The following TENM3 variants were observed in gnomAD, a reference collection of about 807,000 sequenced individuals.
TENM3 encodes teneurin transmembrane protein 3, also known as teneurin-3.
Under a neutral mutation model 255.1 loss-of-function variants are expected in TENM3, and 63 were observed. That is an observed-to-expected ratio of 0.25 (90% CI 0.20 to 0.30). The LOEUF is 0.30. Ranked by LOEUF, TENM3 falls within the 10% of genes least tolerant of loss-of-function variation. The pLI is 1.00. For synonymous variants in TENM3, 1,306 were observed against 1,322.3 expected (o/e 0.99, Z 0.27); for missense variants, 2,929 against 3,461.1 (o/e 0.85, Z 3.86).
chr4:182,126,921 T>C, the TENM3 span, among the ~76,000 whole-genome samples: 1 of 152,182 alleles, frequency 6.6e-6, no homozygotes, highest in Non-Finnish European at 1.5e-5. Flanking sequence ...GCTAGCATAG[T>C]ACATCACATT....
rs754390629 is a variant in TENM3, at chr4:182,789,048, T to C, written c.5305-45T>C. ...TAAACAATACTGGGGACTCCGGTGT[T>C]GGAATAACATGATTTATTTTATCAT... On this transcript the variant is annotated intron_variant, in intron 24 of 27. Transcript: ENST00000511685. This position sits in a 1 kb window ranked among gnomAD's most constrained non-coding sequence, Gnocchi z 4.4. 2.6e-6 allele frequency: 4 copies of C among 1,513,954 alleles called. No individual in the cohort carries two copies. In the African/African-American group the frequency reaches 5.5e-5, roughly 21 times the overall value. The allele number at this position is 1,513,954 out of a possible 1,614,324, so 93.8% of individuals were successfully genotyped here.
chr4:181,703,927 A>G, the TENM3 span, among the ~76,000 whole-genome samples: 3 of 152,172 alleles, frequency 2.0e-5, no homozygotes, highest in Non-Finnish European at 4.4e-5. Flanking sequence ...CATAAGAAAT[A>G]TAACAGAATA....
chr4:182,358,018 A>G (rs1387675517), intron 3 of TENM3, among the ~76,000 whole-genome samples: 2 of 149,634 alleles, frequency 1.3e-5, no homozygotes, highest in East Asian at 3.9e-4. Context: ...GTCAAAGATC[A>G]GATAGTTGTA....
At chr4:181,590,882 C>T in the TENM3 span, among the ~76,000 whole-genome samples, 2 of 152,304 alleles carry the variant, frequency 1.3e-5, no homozygotes, top group East Asian at 1.9e-4. Flanking sequence ...AATAGTTTTA[C>T]ACCTAACATG....
chr4:182,020,689 A>C, the TENM3 span, among the ~76,000 whole-genome samples: 1 of 152,182 alleles, frequency 6.6e-6, no homozygotes, highest in African/African-American at 2.4e-5. Context: ...TCCATTTAAA[A>C]ATAAAAAAGA....
chr4:182,169,076 C>CACACACAT (rs1405279865), intron 1 of TENM3, among the ~76,000 whole-genome samples: 12 of 118,106 alleles, frequency 1.0e-4, no homozygotes, highest in African/African-American at 1.7e-4. Flanking sequence ...TCATGCCATA[C>CACACACAT]ACACACACAC....
chr4:182,057,721 C>A, the TENM3 span, among the ~76,000 whole-genome samples: 1 of 152,052 alleles, frequency 6.6e-6, no homozygotes, highest in East Asian at 1.9e-4. Context: ...CATTTCACCT[C>A]TGGCTGGTCA....
At chr4:181,499,491 A>G in the TENM3 span, among the ~76,000 whole-genome samples, 1 of 152,202 alleles carries the variant, frequency 6.6e-6, no homozygotes, top group East Asian at 1.9e-4. Context: ...AATGCAGTAT[A>G]GTGAGAATAT....
intron 3 of TENM3, among the ~76,000 whole-genome samples, chr4:182,590,577 G>A (rs1007830133): frequency 3.4e-5 from 5 of 148,070 alleles, no homozygotes; most frequent in African/African-American, 1.2e-4. Flanking sequence ...AGAAAAAGGT[G>A]GGCCAAGTGC....
chr4:182,222,092 A>G (rs1755882766), intron 1 of TENM3, among the ~76,000 whole-genome samples: 3 of 152,186 alleles, frequency 2.0e-5, no homozygotes, highest in African/African-American at 4.8e-5. Flanking sequence ...AGGTTTACAC[A>G]TGTTAAACCA....
chr4:181,950,535 T>G, the TENM3 span, among the ~76,000 whole-genome samples: 2 of 152,210 alleles, frequency 1.3e-5, no homozygotes, highest in Non-Finnish European at 2.9e-5. Context: ...CTGTCCCAGT[T>G]GAATGGAAGC....
the TENM3 span, among the ~76,000 whole-genome samples, chr4:181,875,349 A>G: frequency 9.9e-5 from 15 of 151,808 alleles, no homozygotes; most frequent in Non-Finnish European, 2.1e-4. Flanking sequence ...ATTTACCTTC[A>G]TTATTCATTA....
At chr4:182,268,217 A>G (rs942913682) in intron 1 of TENM3, among the ~76,000 whole-genome samples, 4 of 152,192 alleles carry the variant, frequency 2.6e-5, no homozygotes, top group African/African-American at 7.2e-5. Context: ...AATACAGGAC[A>G]AGCTTACTGA....
At chr4:182,058,229 A>G in the TENM3 span, among the ~76,000 whole-genome samples, 27 of 150,884 alleles carry the variant, frequency 1.8e-4, no homozygotes, top group Non-Finnish European at 3.0e-4. Context: ...ATTTGATTTT[A>G]TCTCCACATA....
At chr4:181,580,119 T>C in the TENM3 span, among the ~76,000 whole-genome samples, 1 of 152,000 alleles carries the variant, frequency 6.6e-6, no homozygotes, top group South Asian at 2.1e-4. Flanking sequence ...TGCCTCAGCC[T>C]CCTGAGTAAC....
chr4:182,068,348 A>G, the TENM3 span, among the ~76,000 whole-genome samples: 8 of 151,752 alleles, frequency 5.3e-5, no homozygotes, highest in African/African-American at 1.2e-4. Context: ...CATTCTTGCA[A>G]ATAATGAGGA....
chr4:181,551,506 T>A, the TENM3 span, among the ~76,000 whole-genome samples: 26 of 152,292 alleles, frequency 1.7e-4, no homozygotes, highest in East Asian at 2.5e-3. Flanking sequence ...GGGATGTAGT[T>A]AAAGCTTATT....
the TENM3 span, among the ~76,000 whole-genome samples, chr4:182,067,318 C>G: frequency 6.6e-6 from 1 of 152,094 alleles, no homozygotes; most frequent in South Asian, 2.1e-4. Context: ...ATGAAAGGAC[C>G]TGATAGTGTT....
At chr4:181,633,937 A>AT in the TENM3 span, among the ~76,000 whole-genome samples, 2 of 151,796 alleles carry the variant, frequency 1.3e-5, no homozygotes, top group Admixed American at 1.3e-4. Context: ...TCATGCTGCC[A>AT]TTTTTTTCAG....
Sources: allele counts gnomAD v4.1 joint callset (sites outside exome capture counted in the v4.1 genomes callset), GRCh38; gene constraint gnomAD v4.1.1; non-coding constraint Gnocchi (gnomAD v3.1); transcripts MANE v1.5; gene names NCBI Gene and HGNC (gene_info 2026-07-23, HGNC 2026-07-21).